The following LYRM4 variants were observed in gnomAD, a reference collection of about 807,000 sequenced individuals.
LYRM4 encodes LYR motif containing 4.
A neutral mutation model predicts 11.7 loss-of-function variants in LYRM4; 9 were observed. The ratio of observed to expected loss-of-function variants is 0.77; its 90% CI spans 0.46 to 1.34. The LOEUF (loss-of-function observed/expected upper bound fraction) is 1.34. Among genes scored for constraint, LYRM4 ranks in the 40% most tolerant of loss-of-function variants. The pLI is 0.00. For synonymous variants in LYRM4, 42 were observed against 40.4 expected, an observed-to-expected ratio of 1.04 and a Z score of -0.15; for missense variants, 133 against 112.5, an observed-to-expected ratio of 1.18 and a Z score of -0.82.
chr6:5,118,637 G>A (rs1370399025), intron 2 of LYRM4, among the ~76,000 whole-genome samples: 1 of 152,096 alleles, frequency 6.6e-6, no homozygotes, highest in African/African-American at 2.4e-5. Context: ...CCTTGCCACT[G>A]TCAAGTCACC....
At chr6:5,186,043 C>A (rs1353108209) in intron 2 of LYRM4, among the ~76,000 whole-genome samples, 1 of 152,140 alleles carries the variant, frequency 6.6e-6, no homozygotes, top group African/African-American at 2.4e-5. Flanking sequence ...ATGCCTGGAA[C>A]CCTGGGTATC....
At chr6:5,067,220 C>T in the LYRM4 span, among the ~76,000 whole-genome samples, 2 of 152,208 alleles carry the variant, frequency 1.3e-5, no homozygotes, top group East Asian at 3.8e-4. Context: ...TTTATGTACA[C>T]AGAAAACATT....
At chr6:5,065,102 TA>T in the LYRM4 span, among the ~76,000 whole-genome samples, 77 of 152,326 alleles carry the variant, frequency 5.1e-4, no homozygotes, top group African/African-American at 1.8e-3. Context: ...CAGAATGTCA[TA>T]GTTAGAATCA....
chr6:5,184,487 C>T (rs1760263559), intron 2 of LYRM4, among the ~76,000 whole-genome samples: 1 of 152,002 alleles, frequency 6.6e-6, no homozygotes, highest in Non-Finnish European at 1.5e-5. Context: ...TGTGGAGATG[C>T]CGTTAAAACC....
chr6:5,118,538 T>C (rs945771465), intron 2 of LYRM4, among the ~76,000 whole-genome samples: 1 of 152,202 alleles, frequency 6.6e-6, no homozygotes, highest in Non-Finnish European at 1.5e-5. Flanking sequence ...CTCTGGCTTA[T>C]GACAAGGCTG....
chr6:5,100,391 C>T (rs998918231), downstream of LYRM4, among the ~76,000 whole-genome samples: 13 of 152,202 alleles, frequency 8.5e-5, no homozygotes, highest in Non-Finnish European at 1.2e-4. Context: ...CCTTCCAGAG[C>T]GGATTTCTCT....
intron 2 of LYRM4, among the ~76,000 whole-genome samples, chr6:5,163,234 T>C (rs933153387): frequency 2.0e-5 from 3 of 152,226 alleles, no homozygotes; most frequent in Admixed American, 6.5e-5. Flanking sequence ...ATCCATTTCA[T>C]GTATGGTATG....
chr6:5,109,267 C>G lies in LYRM4; in HGVS notation c.*156G>C. On this transcript the variant is annotated 3_prime_UTR_variant, in exon 3 of 3. Transcript: ENST00000330636. ...AGACAGCAGTCCTTTTTCACTAAGC[C>G]TGCAACAGAATGCAAATGTGACTTG... 1 of 1,505,582 alleles carries G rather than the reference C, an allele frequency of 6.6e-7. No homozygotes were observed. The highest frequency in any genetic ancestry group is 8.9e-7 in the Non-Finnish European group (1 of 1,126,692). The allele number at this position is 1,505,582 out of a possible 1,614,324, so 93.3% of individuals were successfully genotyped here.
At chr6:5,068,839 G>C in the LYRM4 span, among the ~76,000 whole-genome samples, 4 of 152,050 alleles carry the variant, frequency 2.6e-5, no homozygotes, top group African/African-American at 9.7e-5. The surrounding 1 kb of genome is among the most constrained non-coding windows in gnomAD (Gnocchi z 4.0). Context: ...TGATTTCTTT[G>C]GGCATTGTGC....
intron 2 of LYRM4, among the ~76,000 whole-genome samples, chr6:5,131,075 G>C (rs964395588): frequency 2.0e-5 from 3 of 152,064 alleles, no homozygotes; most frequent in Non-Finnish European, 2.9e-5. Context: ...GAAAATCAAG[G>C]GATGAGTTAA....
At chr6:5,160,326 T>C (rs1341955894) in intron 2 of LYRM4, among the ~76,000 whole-genome samples, 1 of 152,016 alleles carries the variant, frequency 6.6e-6, no homozygotes, top group Non-Finnish European at 1.5e-5. Flanking sequence ...GGCTGATGCA[T>C]CATGCATCAG....
chr6:5,123,106 C>T (rs1290912128), intron 2 of LYRM4, among the ~76,000 whole-genome samples: 2 of 152,200 alleles, frequency 1.3e-5, no homozygotes, highest in Non-Finnish European at 2.9e-5. Context: ...AGAAGTCAGG[C>T]TGAAGGGAGC....
chr6:5,124,224 T>C (rs1460746356), intron 2 of LYRM4, among the ~76,000 whole-genome samples: 1 of 152,104 alleles, frequency 6.6e-6, no homozygotes, highest in African/African-American at 2.4e-5. Flanking sequence ...AAGAACCCAC[T>C]TGTAGGGCTC....
the LYRM4 span, among the ~76,000 whole-genome samples, chr6:5,051,765 A>G: frequency 6.6e-6 from 1 of 152,120 alleles, no homozygotes; most frequent in Non-Finnish European, 1.5e-5. Flanking sequence ...TAGGATTCTC[A>G]TGTCTGGAAA....
At chr6:5,213,706 T>G (rs760606641) in intron 2 of LYRM4, among the ~76,000 whole-genome samples, 4 of 152,194 alleles carry the variant, frequency 2.6e-5, no homozygotes, top group Admixed American at 6.5e-5. Flanking sequence ...AAAGACACCC[T>G]GATTTTGGTG....
At chr6:5,167,855 A>G (rs969451084) in intron 2 of LYRM4, among the ~76,000 whole-genome samples, 1 of 152,114 alleles carries the variant, frequency 6.6e-6, no homozygotes, top group East Asian at 1.9e-4. Context: ...TGAAATACTC[A>G]GCTTCTGATA....
chr6:5,095,271 T>A, the LYRM4 span, among the ~76,000 whole-genome samples: 5 of 152,216 alleles, frequency 3.3e-5, no homozygotes, highest in Admixed American at 2.6e-4. Context: ...CTAAACCTGT[T>A]ACAGGAAAAA....
At chr6:5,254,130 C>T (rs976867663) in intron 1 of LYRM4, among the ~76,000 whole-genome samples, 2 of 152,182 alleles carry the variant, frequency 1.3e-5, no homozygotes, top group Non-Finnish European at 2.9e-5. Context: ...GCACTGAAAA[C>T]GGCAATGCCT....
the LYRM4 span, chr6:5,065,703 T>C: frequency 0.015 from 2,493 of 164,458 alleles, 29 homozygotes; most frequent in African/African-American, 0.031. Flanking sequence ...AACAGTTATC[T>C]TCTGCTGAAA....
Sources: allele counts gnomAD v4.1 joint callset (sites outside exome capture counted in the v4.1 genomes callset), GRCh38; gene constraint gnomAD v4.1.1; non-coding constraint Gnocchi (gnomAD v3.1); transcripts MANE v1.5; gene names NCBI Gene and HGNC (gene_info 2026-07-23, HGNC 2026-07-21).